The following PLA2G4A variants were observed in gnomAD, a reference collection of about 807,000 sequenced individuals.
PLA2G4A encodes phospholipase A2 group IVA.
PLA2G4A carries 40 observed loss-of-function variants against 81.9 expected under a neutral mutation model. That is an observed-to-expected ratio of 0.49 (90% CI 0.38 to 0.64). PLA2G4A has a LOEUF of 0.64. Ranked by LOEUF, PLA2G4A falls within the 30% of genes least tolerant of loss-of-function variation. The pLI is 0.00. For missense variants in PLA2G4A, 715 were observed against 905.1 expected, an observed-to-expected ratio of 0.79 and a Z score of 2.69; for synonymous variants, 302 against 296.9, an observed-to-expected ratio of 1.02 and a Z score of -0.18.
At chr1:186,977,570 T>A in intron 15 of PLA2G4A, 23 bp from the exon 16 acceptor site, 1 of 1,563,438 alleles carries the variant, frequency 6.4e-7, no homozygotes, top group Non-Finnish European at 8.8e-7. Flanking sequence ...ATTTCCAAAT[T>A]CATCTTTCCA....
chr1:186,935,413 T>TA (rs905025651), intron 8 of PLA2G4A, among the ~76,000 whole-genome samples: 12 of 151,276 alleles, frequency 7.9e-5, no homozygotes, highest in African/African-American at 2.2e-4. Context: ...TTTTTATTTT[T>TA]TTTTTTTTCA....
chr1:186,988,816 AT>A lies in PLA2G4A; in HGVS notation c.*316del, dbSNP rs543762204. 1.6e-4 allele frequency: 37 copies of A among 228,586 alleles called. No homozygotes were observed. Among genetic ancestry groups the A allele is most frequent in the East Asian group, 4.1e-4 (4 of 9,766 alleles). The allele number at this position is 228,586 out of a possible 1,614,324, so 14.2% of individuals were successfully genotyped here. A position where few individuals can be genotyped will look rare whatever the true frequency, so the allele number is the denominator to read the frequency against. The stretch of plus-strand genomic sequence containing the variant: ...TTTCTTATGTGTGTTCTTTTTAAAA[AT>A]TTTTTTTCTTTTAAAATATTTAACA... On this transcript the variant is annotated 3_prime_UTR_variant, in exon 18 of 18. Transcript: ENST00000367466.
chr1:186,881,054 G>A (rs1344991182), intron 3 of PLA2G4A, among the ~76,000 whole-genome samples: 2 of 151,908 alleles, frequency 1.3e-5, no homozygotes, highest in Admixed American at 6.6e-5. Flanking sequence ...ATTCATTAAT[G>A]TACTAAATCA....
intron 14 of PLA2G4A, among the ~76,000 whole-genome samples, chr1:186,964,963 G>GATGA (rs1376301209): frequency 6.6e-6 from 1 of 152,212 alleles, no homozygotes; most frequent in African/African-American, 2.4e-5. Flanking sequence ...CCACCTTCGA[G>GATGA]ATGACTCTTC....
At chr1:186,932,646 T>C (rs1655792107) in intron 7 of PLA2G4A, 117 bp from the exon 8 acceptor site, 1 of 1,057,836 alleles carries the variant, frequency 9.5e-7, no homozygotes, top group Admixed American at 1.7e-5. Context: ...AGTATGAAGT[T>C]AACTTACACT....
chr1:186,954,712 T>TACAC (rs1393482513), intron 13 of PLA2G4A, among the ~76,000 whole-genome samples: 3 of 151,896 alleles, frequency 2.0e-5, no homozygotes, highest in African/African-American at 7.3e-5. Context: ...CACGCACACA[T>TACAC]ACACACACAG....
chr1:186,932,095 T>C (rs1485422983), intron 7 of PLA2G4A, among the ~76,000 whole-genome samples: 1 of 152,128 alleles, frequency 6.6e-6, no homozygotes, highest in Non-Finnish European at 1.5e-5. Context: ...ATACTTTCCT[T>C]CTGCTCACCT....
intron 8 of PLA2G4A, among the ~76,000 whole-genome samples, chr1:186,934,025 A>G (rs1337733258): frequency 6.6e-6 from 1 of 152,128 alleles, no homozygotes; most frequent in African/African-American, 2.4e-5. Flanking sequence ...TGTACCCTCA[A>G]AATGATTTAT....
In PLA2G4A at chr1:186,934,443, C is replaced by CATATATATATATATATATATATATATAT. The variant is rs71571011; in HGVS notation, c.695+1565_695+1566insTATATATATATATATATATATATATATA. Reference sequence around the variant, plus strand: ...TAATTAAAAGGATTTTAAATGTGCACATATATATATATATATATATACATA... The same window carrying CATATATATATATATATATATATATATAT: ...TAATTAAAAGGATTTTAAATGTGCACATATATATATATATATATATATATATATATATATATATATATATATATACATA... On this transcript the variant is annotated intron_variant, in intron 8 of 17. Transcript: ENST00000367466. Among the ~76,000 whole-genome samples the CATATATATATATATATATATATATATAT allele has an allele frequency of 2.3e-3, 231 of 99,394 alleles. 4 individuals are homozygous for CATATATATATATATATATATATATATAT. The highest frequency in any genetic ancestry group is 5.4e-3 in the Middle Eastern group (1 of 184). 65.2% of individuals were successfully genotyped at this position (99,394 alleles called of 152,430 possible). A position where few individuals can be genotyped will look rare whatever the true frequency, so the allele number is the denominator to read the frequency against.
intron 15 of PLA2G4A, among the ~76,000 whole-genome samples, chr1:186,968,625 C>T (rs764070447): frequency 2.6e-5 from 4 of 151,414 alleles, no homozygotes; most frequent in Non-Finnish European, 4.4e-5. Flanking sequence ...TATACAGATA[C>T]GTATTTATTT....
intron 5 of PLA2G4A, among the ~76,000 whole-genome samples, chr1:186,903,557 C>T (rs935285967): frequency 3.9e-5 from 6 of 152,178 alleles, no homozygotes; most frequent in African/African-American, 1.4e-4. Flanking sequence ...ACTCGCATTG[C>T]TGCTCCGCCT....
intron 3 of PLA2G4A, among the ~76,000 whole-genome samples, chr1:186,890,241 T>C (rs1283094950): frequency 6.6e-6 from 1 of 152,204 alleles, no homozygotes; most frequent in Non-Finnish European, 1.5e-5. Context: ...CTTTCTGTTG[T>C]TAGCTTCTGA....
At chr1:186,918,843 C>T (rs1287727661) in intron 7 of PLA2G4A, among the ~76,000 whole-genome samples, 1 of 152,236 alleles carries the variant, frequency 6.6e-6, no homozygotes, top group East Asian at 1.9e-4. Flanking sequence ...CTTCGGTAGT[C>T]ATCAAAGTTA....
chr1:186,850,897 A>T (rs1217280725), intron 1 of PLA2G4A, among the ~76,000 whole-genome samples: 1 of 152,116 alleles, frequency 6.6e-6, no homozygotes, highest in Non-Finnish European at 1.5e-5. Context: ...TATATAAAAA[A>T]AACTTATTTT....
At chr1:186,834,773 G>T (rs1651720775) in intron 1 of PLA2G4A, among the ~76,000 whole-genome samples, 1 of 152,210 alleles carries the variant, frequency 6.6e-6, no homozygotes, top group East Asian at 1.9e-4. Context: ...CAAATGTTTT[G>T]CTTTCAGGTT....
rs1571434201 is a variant in PLA2G4A, at chr1:186,950,505, A to T, written c.1265-152A>T. Reference sequence around the variant, plus strand: ...AAATCTGAGAACATGATTAAATCTAATAAATCTAGAATTATTAAATGGATT... The same window carrying T: ...AAATCTGAGAACATGATTAAATCTATTAAATCTAGAATTATTAAATGGATT... On this transcript the variant is annotated intron_variant, in intron 12 of 17. Coordinates refer to ENST00000367466, the MANE Select transcript of PLA2G4A (RefSeq NM_024420.3). 48 of 491,114 alleles carry T rather than the reference A, an allele frequency of 9.8e-5. No homozygotes were observed. In the East Asian group the frequency reaches 1.6e-3, roughly 17 times the overall value. The allele number at this position is 491,114 out of a possible 1,614,324, so 30.4% of individuals were successfully genotyped here.
chr1:186,892,964 A>G (rs773385268), intron 3 of PLA2G4A, 47 bp from the exon 4 acceptor site: 2 of 1,400,256 alleles, frequency 1.4e-6, no homozygotes, highest in Non-Finnish European at 1.0e-6. Flanking sequence ...ATTAGGAACT[A>G]TGAATCACAT....
intron 1 of PLA2G4A, among the ~76,000 whole-genome samples, chr1:186,839,544 A>G (rs943848005): frequency 6.6e-6 from 1 of 152,184 alleles, no homozygotes; most frequent in African/African-American, 2.4e-5. Context: ...GCAGAACCTC[A>G]ACTGAAACCT....
Position 186,839,159 on chromosome 1 carries a change from C to G in PLA2G4A, c.-70+10124C>G, listed in dbSNP as rs571730844. 2.0e-4 allele frequency among the ~76,000 whole-genome samples: 31 copies of G among 152,312 alleles called. No homozygotes were observed. In the South Asian group the frequency reaches 3.1e-3, roughly 15 times the overall value. ...TAGTTTTACACAAATGAAGGCCAGG[C>G]TCCTCCATGGGTGGAAGCAGTGAGT... is the stretch of plus-strand genomic sequence containing the variant. On this transcript the variant is annotated intron_variant, in intron 1 of 17. Transcript: ENST00000367466.
Sources: gnomAD v4.1 joint callset for allele counts (sites outside exome capture counted in the v4.1 genomes callset) on GRCh38, gnomAD v4.1.1 for gene constraint, MANE v1.5 for transcripts, NCBI Gene and HGNC (gene_info 2026-07-23, HGNC 2026-07-21) for gene names.